The following ATP8A2 variants were observed in gnomAD, a reference collection of about 807,000 sequenced individuals.
ATP8A2 encodes the protein phospholipid-transporting ATPase IB.
ATP8A2 carries 100 observed loss-of-function variants against 165.6 expected under a neutral mutation model. The ratio of observed to expected loss-of-function variants is 0.60; its 90% CI spans 0.51 to 0.71. ATP8A2 has a LOEUF of 0.71. Ranked by LOEUF, ATP8A2 falls within the 30% of genes least tolerant of loss-of-function variation. The pLI, the probability that ATP8A2 is intolerant of heterozygous loss-of-function variation, is 0.00. For missense variants in ATP8A2, 1,227 were observed against 1,479.5 expected, an observed-to-expected ratio of 0.83 and a Z score of 2.80; for synonymous variants, 543 against 548.8, an observed-to-expected ratio of 0.99 and a Z score of 0.15.
intron 2 of ATP8A2, among the ~76,000 whole-genome samples, chr13:25,513,104 G>T (rs1337196526): frequency 6.6e-6 from 1 of 151,282 alleles, no homozygotes; most frequent in Admixed American, 6.6e-5. Context: ...AGGCGGAGAC[G>T]CTCCTCACTT....
chr13:25,903,269 T>G (rs1053045516), intron 33 of ATP8A2, among the ~76,000 whole-genome samples: 4 of 152,152 alleles, frequency 2.6e-5, no homozygotes, highest in African/African-American at 9.7e-5. Context: ...CCCCCAGATA[T>G]GGCTGCTTTA....
At chr13:25,494,920 C>G (rs7324425) in intron 2 of ATP8A2, among the ~76,000 whole-genome samples, 1 of 152,294 alleles carries the variant, frequency 6.6e-6, no homozygotes, top group Non-Finnish European at 1.5e-5. Flanking sequence ...CCTCTGCTGG[C>G]TAGCAGCCCT....
chr13:25,792,480 T>C (rs984959712), intron 27 of ATP8A2, among the ~76,000 whole-genome samples: 5 of 151,516 alleles, frequency 3.3e-5, no homozygotes, highest in Admixed American at 1.3e-4. Context: ...AGTTAGTGGT[T>C]AGATAATTAA....
At chr13:25,880,482 A>T (rs1026266206) in intron 33 of ATP8A2, among the ~76,000 whole-genome samples, 1 of 152,178 alleles carries the variant, frequency 6.6e-6, no homozygotes, top group Non-Finnish European at 1.5e-5. Context: ...CAGTTATTAC[A>T]AGCAAGGAAA....
intron 25 of ATP8A2, among the ~76,000 whole-genome samples, chr13:25,739,905 A>G (rs2043869881): frequency 6.6e-6 from 1 of 152,248 alleles, no homozygotes; most frequent in Non-Finnish European, 1.5e-5. Context: ...AAGTGAACAG[A>G]AGAAATGTGC....
intron 33 of ATP8A2, among the ~76,000 whole-genome samples, chr13:25,913,099 A>C (rs1954166289): frequency 6.6e-6 from 1 of 152,230 alleles, no homozygotes; most frequent in Non-Finnish European, 1.5e-5. Flanking sequence ...AGCTGATCTC[A>C]TGTTATTCCA....
At chr13:25,565,976 T>C (rs1238033140) in intron 16 of ATP8A2, among the ~76,000 whole-genome samples, 1 of 152,196 alleles carries the variant, frequency 6.6e-6, no homozygotes, top group Admixed American at 6.5e-5. Context: ...AAAAAATTTC[T>C]AGATTTAAAA....
chr13:25,887,660 T>C (rs551730781), intron 33 of ATP8A2, among the ~76,000 whole-genome samples: 1 of 152,314 alleles, frequency 6.6e-6, no homozygotes, highest in Non-Finnish European at 1.5e-5. Flanking sequence ...TTATTATTAA[T>C]AAATTCAGAC....
At chr13:25,938,521 T>G (rs1954979087) in intron 33 of ATP8A2, among the ~76,000 whole-genome samples, 1 of 152,224 alleles carries the variant, frequency 6.6e-6, no homozygotes, top group African/African-American at 2.4e-5. Context: ...GTGTTAACTT[T>G]CATGCCTAAA....
In ATP8A2 at chr13:25,912,928, C is replaced by T. The variant is rs117671078; in HGVS notation, c.3184-48647C>T. Reference sequence around the variant, plus strand: ...CTAAATGCAGCAGTGCGTTGGTCAACTGAGTAGCCTTTGAGGTCAGATAGC... The same window carrying T: ...CTAAATGCAGCAGTGCGTTGGTCAATTGAGTAGCCTTTGAGGTCAGATAGC... On this transcript the variant is annotated intron_variant, in intron 33 of 36. Transcript: ENST00000381655. 2.7e-3 allele frequency among the ~76,000 whole-genome samples: 413 copies of T among 152,318 alleles called. 3 individuals carry two copies. The highest frequency in any genetic ancestry group is 0.015 in the East Asian group (77 of 5,178).
At chr13:25,490,800 C>T (rs1256807903) in intron 2 of ATP8A2, among the ~76,000 whole-genome samples, 3 of 151,200 alleles carry the variant, frequency 2.0e-5, no homozygotes, top group Non-Finnish European at 4.4e-5. Flanking sequence ...ACTCTGTGGG[C>T]CAGGCTGGAG....
chr13:25,382,088 A>G (rs113713119), intron 1 of ATP8A2, among the ~76,000 whole-genome samples: 91 of 152,200 alleles, frequency 6.0e-4, no homozygotes, highest in Middle Eastern at 6.8e-3. Flanking sequence ...TGTTCATCCC[A>G]TCCTTCCTCT....
At chr13:25,457,113 C>T (rs772678425) in intron 1 of ATP8A2, among the ~76,000 whole-genome samples, 10 of 152,162 alleles carry the variant, frequency 6.6e-5, no homozygotes, top group Non-Finnish European at 1.3e-4. Flanking sequence ...CTCTAGAATA[C>T]GTTAATCTTT....
chr13:25,531,582 A>G (rs2038116071), intron 4 of ATP8A2, among the ~76,000 whole-genome samples: 1 of 151,714 alleles, frequency 6.6e-6, no homozygotes, highest in Non-Finnish European at 1.5e-5. Flanking sequence ...GGGAATAGGT[A>G]TGTAAATAAA....
intron 33 of ATP8A2, among the ~76,000 whole-genome samples, chr13:25,932,279 C>A (rs1954788607): frequency 6.6e-6 from 1 of 152,172 alleles, no homozygotes; most frequent in Admixed American, 6.5e-5. Flanking sequence ...GCACCTACCT[C>A]CAGTCTCTTG....
At chr13:25,646,230 C>CT (rs1251681610) in intron 24 of ATP8A2, among the ~76,000 whole-genome samples, 1 of 152,140 alleles carries the variant, frequency 6.6e-6, no homozygotes, top group Non-Finnish European at 1.5e-5. Flanking sequence ...TTAAGTATAG[C>CT]TACCTCTGCT....
intron 24 of ATP8A2, among the ~76,000 whole-genome samples, chr13:25,616,158 A>T (rs2040817709): frequency 6.6e-6 from 1 of 151,946 alleles, no homozygotes; most frequent in South Asian, 2.1e-4. Context: ...CACCCCCAAC[A>T]ACACACTTTC....
At chr13:25,939,063 G>A (rs1954993940) in intron 33 of ATP8A2, among the ~76,000 whole-genome samples, 1 of 152,024 alleles carries the variant, frequency 6.6e-6, no homozygotes, top group East Asian at 1.9e-4. Flanking sequence ...AGCTGGTCTT[G>A]AACTCCTGAC....
At chr13:25,570,695 G>C in intron 16 of ATP8A2, 72 bp from the exon 17 acceptor site, 2 of 1,186,230 alleles carry the variant, frequency 1.7e-6, no homozygotes, top group Non-Finnish European at 2.5e-6. Context: ...GTTAGTTGGG[G>C]ATCTGCTTGT....
Sources: gnomAD v4.1 joint callset for allele counts (sites outside exome capture counted in the v4.1 genomes callset) on GRCh38, gnomAD v4.1.1 for gene constraint, MANE v1.5 for transcripts, NCBI Gene and HGNC (gene_info 2026-07-23, HGNC 2026-07-21) for gene names.